The following ARPC2 variants were observed in gnomAD, a reference collection of about 807,000 sequenced individuals.
ARPC2 encodes the protein actin-related protein 2/3 complex subunit 2.
A neutral mutation model predicts 38.6 loss-of-function variants in ARPC2; 4 were observed. The ratio of observed to expected loss-of-function variants is 0.10; its 90% confidence interval spans 0.05 to 0.24. ARPC2 has a LOEUF of 0.24. Ranked by LOEUF, ARPC2 falls within the 10% of genes least tolerant of loss-of-function variation. ARPC2 has a pLI of 1.00. For missense variants in ARPC2, 229 were observed against 387.3 expected (o/e 0.59, Z 3.43); for synonymous variants, 125 against 140.8 (o/e 0.89, Z 0.79).
intron 8 of ARPC2, among the ~76,000 whole-genome samples, 188 bp downstream of exon 8, chr2:218,245,734 T>G (rs535333755): frequency 6.6e-6 from 1 of 152,310 alleles, no homozygotes; most frequent in East Asian, 1.9e-4. Flanking sequence ...GCAGGCCATA[T>G]GCTATTTTTG....
At chr2:218,221,592 G>T (rs1175291636) in intron 2 of ARPC2, among the ~76,000 whole-genome samples, 3 of 152,072 alleles carry the variant, frequency 2.0e-5, no homozygotes, top group African/African-American at 7.2e-5. Context: ...TTAAGAGCTG[G>T]GTCTATCACT....
At chr2:218,242,497 A>T (rs552649826) in intron 7 of ARPC2, among the ~76,000 whole-genome samples, 3 of 152,314 alleles carry the variant, frequency 2.0e-5, no homozygotes, top group African/African-American at 7.2e-5. Context: ...GCCTGTTTGC[A>T]TGTGTGGGTA....
chr2:218,224,991 G>T (rs180964191), intron 2 of ARPC2, among the ~76,000 whole-genome samples: 1 of 152,154 alleles, frequency 6.6e-6, no homozygotes, highest in African/African-American at 2.4e-5. Context: ...GAAAACATGC[G>T]CATCTTGTTT....
At chr2:218,220,993 T>TCC (rs1218238133) in intron 2 of ARPC2, among the ~76,000 whole-genome samples, 77 of 152,348 alleles carry the variant, frequency 5.1e-4, no homozygotes, top group African/African-American at 1.8e-3. Flanking sequence ...CATTGCCTTT[T>TCC]CATTTGGAAA....
chr2:218,221,902 G>A (rs1689391277), intron 2 of ARPC2, among the ~76,000 whole-genome samples: 1 of 152,196 alleles, frequency 6.6e-6, no homozygotes. Flanking sequence ...CCTTTATAGT[G>A]AGCAGAATTC....
At chr2:218,218,065 C>T (rs1045960422) in intron 2 of ARPC2, among the ~76,000 whole-genome samples, 1 of 152,210 alleles carries the variant, frequency 6.6e-6, no homozygotes, top group African/African-American at 2.4e-5. Flanking sequence ...AGACTAAAAG[C>T]CGACCCAGTC....
chr2:218,243,805 A>G (rs1303637532), intron 7 of ARPC2, among the ~76,000 whole-genome samples: 2 of 152,238 alleles, frequency 1.3e-5, no homozygotes, highest in Non-Finnish European at 2.9e-5. Context: ...GGCCCAAGCC[A>G]GAAACGTATC....
intron 4 of ARPC2, among the ~76,000 whole-genome samples, chr2:218,230,564 G>T (rs147522905): frequency 6.6e-6 from 1 of 152,138 alleles, no homozygotes; most frequent in Non-Finnish European, 1.5e-5. Flanking sequence ...CTCCCAAAGT[G>T]CTGGGATTAT....
At chr2:218,238,623 GCT>G in intron 5 of ARPC2, 39 bp from the exon 6 acceptor site, 2 of 1,040,344 alleles carry the variant, frequency 1.9e-6, no homozygotes, top group Non-Finnish European at 2.7e-6. Flanking sequence ...AAATGTAACT[GCT>G]GGGTTGTTTT....
At chr2:218,245,233 TTGAATC>T (rs1244710125) in intron 7 of ARPC2, among the ~76,000 whole-genome samples, 181 bp from the exon 8 acceptor site, 1 of 152,228 alleles carries the variant, frequency 6.6e-6, no homozygotes, top group African/African-American at 2.4e-5. Flanking sequence ...TCTCTCCCGT[TTGAATC>T]TGAAGTGTAG....
chr2:218,217,373 C>T (rs1170676308), intron 1 of ARPC2, 90 bp from the exon 2 acceptor site: 17 of 1,235,230 alleles, frequency 1.4e-5, no homozygotes, highest in Middle Eastern at 2.0e-4. Flanking sequence ...CCCACCCAGC[C>T]CCACTCAGGG....
At chr2:218,234,210 C>A in intron 4 of ARPC2, 142 bp from the exon 5 acceptor site, 1 of 605,326 alleles carries the variant, frequency 1.7e-6, no homozygotes. Flanking sequence ...TCCCCTCTGT[C>A]TCTACTTTCC....
At chr2:218,228,363 A>G (rs549257813) in intron 3 of ARPC2, among the ~76,000 whole-genome samples, 3 of 152,094 alleles carry the variant, frequency 2.0e-5, no homozygotes, top group African/African-American at 7.2e-5. Flanking sequence ...AGACCACACC[A>G]TTGCACTCCA....
At chr2:218,218,023 A>G (rs552709586) in intron 2 of ARPC2, among the ~76,000 whole-genome samples, 44 of 152,080 alleles carry the variant, frequency 2.9e-4, no homozygotes, top group Admixed American at 2.5e-3. Flanking sequence ...CTCGTTCCCC[A>G]CCCCCATCTC....
At chr2:218,221,809 C>A (rs1215504771) in intron 2 of ARPC2, among the ~76,000 whole-genome samples, 1 of 152,154 alleles carries the variant, frequency 6.6e-6, no homozygotes, top group Non-Finnish European at 1.5e-5. Context: ...CCACCTCTTA[C>A]CTAATATGAT....
In ARPC2 at chr2:218,254,311, C is replaced by T. The variant is rs531820099; in HGVS notation, c.*396C>T. On this transcript the variant is annotated 3_prime_UTR_variant, in exon 11 of 11. Transcript: ENST00000315717. Reference sequence around the variant, plus strand: ...CAAAACTCCTGTATCTAAAGAAATACGGTTGGGGTCATTAATAAAGAAAAT... The same window carrying T: ...CAAAACTCCTGTATCTAAAGAAATATGGTTGGGGTCATTAATAAAGAAAAT... 1.4e-4 allele frequency: 25 copies of T among 177,788 alleles called. No individual in the cohort carries two copies. Among genetic ancestry groups the T allele is most frequent in the East Asian group, 6.2e-4 (4 of 6,426 alleles). The allele number at this position is 177,788 out of a possible 1,614,324, so 11.0% of individuals were successfully genotyped here.
chr2:218,239,938 T>G (rs987446944), intron 7 of ARPC2, among the ~76,000 whole-genome samples: 1 of 150,634 alleles, frequency 6.6e-6, no homozygotes, highest in Non-Finnish European at 1.5e-5. Flanking sequence ...CCCACAAAAC[T>G]CAGTGAATAT....
At chr2:218,230,672 T>G (rs1270273174) in intron 4 of ARPC2, among the ~76,000 whole-genome samples, 4 of 152,112 alleles carry the variant, frequency 2.6e-5, no homozygotes, top group Non-Finnish European at 5.9e-5. Flanking sequence ...TTTTTTAAAT[T>G]GTGTAATCAT....
intron 1 of ARPC2, 46 bp downstream of exon 1, chr2:218,217,300 A>G (rs1047025202): frequency 4.3e-5 from 27 of 627,582 alleles, no homozygotes; most frequent in Non-Finnish European, 7.1e-5. Context: ...TGCGTGGGCC[A>G]GCGCGTTCGT....
Sources: allele counts gnomAD v4.1 joint callset (sites outside exome capture counted in the v4.1 genomes callset), GRCh38; gene constraint gnomAD v4.1.1; transcripts MANE v1.5; gene names NCBI Gene and HGNC (gene_info 2026-07-23, HGNC 2026-07-21).